The following TBC1D5 variants were observed in gnomAD, a reference collection of about 807,000 sequenced individuals.
The protein encoded by TBC1D5 is TBC1 domain family member 5.
In TBC1D5, 75 loss-of-function variants were observed where a neutral mutation model predicts 100.3. The ratio of observed to expected loss-of-function variants is 0.75; its 90% CI spans 0.62 to 0.91. The LOEUF is 0.91. Among genes scored for constraint, TBC1D5 ranks in the 40% least tolerant of loss-of-function variants. TBC1D5 has a pLI of 0.00. For synonymous variants in TBC1D5, 323 were observed against 325.6 expected (o/e 0.99, Z 0.09); for missense variants, 910 against 942.4 (o/e 0.97, Z 0.45).
At chr3:17,164,244 T>C (rs2066371906) in intron 21 of TBC1D5, among the ~76,000 whole-genome samples, 1 of 152,200 alleles carries the variant, frequency 6.6e-6, no homozygotes, top group African/African-American at 2.4e-5. Context: ...ACAGTTGCTT[T>C]TGAGGAAGGG....
At chr3:17,409,445 C>T (rs776096030) in intron 4 of TBC1D5, among the ~76,000 whole-genome samples, 5 of 151,996 alleles carry the variant, frequency 3.3e-5, no homozygotes, top group Non-Finnish European at 7.4e-5. Context: ...TCGTACTGTT[C>T]GAGTGAAAAG....
chr3:17,551,994 C>A (rs1050391949), intron 2 of TBC1D5, among the ~76,000 whole-genome samples: 1 of 151,802 alleles, frequency 6.6e-6, no homozygotes, highest in Admixed American at 6.6e-5. Flanking sequence ...GTGTTGATAC[C>A]ATCTTCAACA....
intron 13 of TBC1D5, among the ~76,000 whole-genome samples, chr3:17,310,787 G>A (rs2083936839): frequency 6.6e-6 from 1 of 151,886 alleles, no homozygotes; most frequent in Admixed American, 6.6e-5. Flanking sequence ...TACATGAGAG[G>A]ATATTAAAGT....
chr3:17,717,125 ACAG>A (rs2075305361), intron 1 of TBC1D5, among the ~76,000 whole-genome samples: 1 of 152,148 alleles, frequency 6.6e-6, no homozygotes, highest in Non-Finnish European at 1.5e-5. Context: ...TAGCCAGTAA[ACAG>A]TACAAGTAAA....
At chr3:17,473,561 A>G (rs1055704968) in intron 3 of TBC1D5, among the ~76,000 whole-genome samples, 1 of 152,210 alleles carries the variant, frequency 6.6e-6, no homozygotes, top group African/African-American at 2.4e-5. Flanking sequence ...AGGTTTTTCA[A>G]CTTGTACTTC....
chr3:17,722,108 A>G (rs1255013114), intron 1 of TBC1D5, among the ~76,000 whole-genome samples: 1 of 152,182 alleles, frequency 6.6e-6, no homozygotes, highest in East Asian at 1.9e-4. Context: ...CCTTATTCTG[A>G]TATTTTCTTG....
At chr3:17,213,957 G>A (rs964758366) in intron 18 of TBC1D5, among the ~76,000 whole-genome samples, 3 of 150,216 alleles carry the variant, frequency 2.0e-5, no homozygotes, top group Non-Finnish European at 4.4e-5. Context: ...AGAAAAAAAG[G>A]ACTGGGATTT....
intron 2 of TBC1D5, among the ~76,000 whole-genome samples, chr3:17,598,115 T>C (rs2060696014): frequency 6.6e-6 from 1 of 151,270 alleles, no homozygotes; most frequent in Non-Finnish European, 1.5e-5. Context: ...TAAAGACCAG[T>C]CAAATTGTCT....
intron 1 of TBC1D5, among the ~76,000 whole-genome samples, chr3:17,698,012 T>C (rs916757993): frequency 2.6e-5 from 4 of 151,996 alleles, no homozygotes; most frequent in African/African-American, 2.4e-5. Flanking sequence ...AAGCTACCAA[T>C]GACTTTCTTC....
In TBC1D5 at chr3:17,659,939, C is replaced by A. The variant is rs573601548; in HGVS notation, c.-100-36026G>T. Among the ~76,000 whole-genome samples the A allele has an allele frequency of 1.9e-4, 29 of 151,948 alleles. 1 individual carries two copies. Among genetic ancestry groups the A allele is most frequent in the South Asian group, 1.3e-3 (6 of 4,792 alleles). ...CCTAGTTACACATGGCAAGACAAAC[C>A]ACTGAGAATTTGGGCCCACAGAATT... On this transcript the variant is annotated intron_variant, in intron 1 of 21. Coordinates refer to ENST00000253692, the Ensembl canonical transcript of TBC1D5.
Position 17,700,857 on chromosome 3 carries a change from T to C in TBC1D5, c.-101+38486A>G, listed in dbSNP as rs570262937. ...AGGTGCTGGAGAGGATGTGGAGAAA[T>C]AGGAACACTTTTACACTGTTGGTGG... On this transcript the variant is annotated intron_variant, in intron 1 of 21. Coordinates refer to ENST00000253692, the Ensembl canonical transcript of TBC1D5. Among the ~76,000 whole-genome samples, 8 of 152,130 alleles carry C rather than the reference T, an allele frequency of 5.3e-5. No individual in the cohort carries two copies. In the East Asian group the frequency reaches 5.8e-4, roughly 11 times the overall value.
At chr3:17,612,176 T>C (rs892100272) in intron 2 of TBC1D5, among the ~76,000 whole-genome samples, 2 of 151,750 alleles carry the variant, frequency 1.3e-5, no homozygotes, top group Admixed American at 6.6e-5. Flanking sequence ...GGTGTGTACC[T>C]GTAGTCCCAG....
chr3:17,674,164 A>G (rs1020895838), intron 1 of TBC1D5, among the ~76,000 whole-genome samples: 16 of 152,166 alleles, frequency 1.1e-4, no homozygotes, highest in Non-Finnish European at 2.4e-4. Flanking sequence ...AAAGAAATTC[A>G]GTACCACAAG....
chr3:17,452,417 A>T (rs761215816), intron 3 of TBC1D5, among the ~76,000 whole-genome samples: 3 of 152,186 alleles, frequency 2.0e-5, no homozygotes, highest in Non-Finnish European at 2.9e-5. Context: ...AGACACAGTG[A>T]TCTATTGCCT....
At chr3:17,377,031 G>A (rs2152110354) in intron 9 of TBC1D5, among the ~76,000 whole-genome samples, 1 of 152,160 alleles carries the variant, frequency 6.6e-6, no homozygotes, top group East Asian at 1.9e-4. Context: ...TACATCCAAT[G>A]TTTTCATTAT....
intron 1 of TBC1D5, among the ~76,000 whole-genome samples, chr3:17,684,971 A>T (rs913851610): frequency 6.6e-6 from 1 of 152,080 alleles, no homozygotes; most frequent in African/African-American, 2.4e-5. Context: ...ACCAAGACTT[A>T]TTCATTTTAA....
intron 15 of TBC1D5, among the ~76,000 whole-genome samples, chr3:17,270,932 T>C (rs916796702): frequency 6.6e-6 from 1 of 152,174 alleles, no homozygotes; most frequent in Non-Finnish European, 1.5e-5. Context: ...TGCAGGTGTG[T>C]TGTCTTATTT....
intron 2 of TBC1D5, among the ~76,000 whole-genome samples, chr3:17,594,168 G>T (rs1035798248): frequency 4.6e-5 from 7 of 152,196 alleles, no homozygotes; most frequent in Non-Finnish European, 7.3e-5. Flanking sequence ...AAGCCAACAG[G>T]CTAAGAAAGG....
chr3:17,286,758 T>C (rs750883584), intron 15 of TBC1D5, among the ~76,000 whole-genome samples: 1 of 152,230 alleles, frequency 6.6e-6, no homozygotes, highest in African/African-American at 2.4e-5. Context: ...AGGTCCACTA[T>C]TTTTAAAACT....
Sources: gnomAD v4.1 joint callset for allele counts (sites outside exome capture counted in the v4.1 genomes callset) on GRCh38, gnomAD v4.1.1 for gene constraint, MANE v1.5 for transcripts, NCBI Gene and HGNC (gene_info 2026-07-23, HGNC 2026-07-21) for gene names.